Variants in KCNH8 observed in about 807,000 individuals in gnomAD.
KCNH8 encodes potassium voltage-gated channel subfamily H member 8.
In KCNH8, 70 loss-of-function variants were observed where a neutral mutation model predicts 103.6. The observed-to-expected ratio is 0.68, with a 90% CI of 0.56 to 0.82. The LOEUF (loss-of-function observed/expected upper bound fraction) is 0.82. KCNH8 is among the 40% of genes least tolerant of loss of function. KCNH8 has a pLI of 0.00. For synonymous variants in KCNH8, 498 were observed against 489.4 expected (o/e 1.02, Z -0.23); for missense variants, 1,217 against 1,329.9 (o/e 0.92, Z 1.32).
chr3:19,509,174 C>G (rs747228144), intron 11 of KCNH8, among the ~76,000 whole-genome samples: 1 of 152,160 alleles, frequency 6.6e-6, no homozygotes, highest in Non-Finnish European at 1.5e-5. Context: ...ATTAAGGCGG[C>G]TAAGCAGATG....
At chr3:19,292,540 C>A (rs1473824768) in intron 3 of KCNH8, among the ~76,000 whole-genome samples, 2 of 152,184 alleles carry the variant, frequency 1.3e-5, no homozygotes, top group Non-Finnish European at 2.9e-5. Flanking sequence ...CCTTTAGCTA[C>A]AAGAACCTGC....
intron 4 of KCNH8, among the ~76,000 whole-genome samples, chr3:19,345,990 T>G (rs1298541575): frequency 6.6e-6 from 1 of 151,924 alleles, no homozygotes; most frequent in African/African-American, 2.4e-5. Context: ...CACTTTTGAG[T>G]TTTCCCAAAT....
chr3:19,234,852 G>T (rs1262224575), intron 1 of KCNH8, among the ~76,000 whole-genome samples: 2 of 152,278 alleles, frequency 1.3e-5, no homozygotes, highest in African/African-American at 4.8e-5. Context: ...GTGTGGGTGG[G>T]TGTGAATGCA....
chr3:19,231,924 TA>T (rs1380070340), intron 1 of KCNH8, among the ~76,000 whole-genome samples: 1 of 152,202 alleles, frequency 6.6e-6, no homozygotes, highest in Non-Finnish European at 1.5e-5. Flanking sequence ...CCTGAAATAT[TA>T]AATCAATACA....
At chr3:19,240,801 C>T (rs1033378895) in intron 1 of KCNH8, among the ~76,000 whole-genome samples, 1 of 151,650 alleles carries the variant, frequency 6.6e-6, no homozygotes, top group Non-Finnish European at 1.5e-5. Flanking sequence ...AAGGCAAAAG[C>T]ATTGACATCA....
intron 7 of KCNH8, among the ~76,000 whole-genome samples, chr3:19,433,892 G>A (rs190995935): frequency 6.6e-5 from 10 of 152,344 alleles, no homozygotes; most frequent in Admixed American, 5.9e-4. Flanking sequence ...GAAAAGGGGT[G>A]AAGGGTTGAG....
chr3:19,320,262 T>G (rs1305185537), intron 3 of KCNH8, among the ~76,000 whole-genome samples: 2 of 152,092 alleles, frequency 1.3e-5, no homozygotes, highest in Non-Finnish European at 2.9e-5. Context: ...TGCTTTCAAC[T>G]TTTACACTTT....
intron 15 of KCNH8, among the ~76,000 whole-genome samples, chr3:19,519,153 A>C (rs1467704693): frequency 6.6e-6 from 1 of 151,950 alleles, no homozygotes; most frequent in African/African-American, 2.4e-5. Context: ...TGAAGAAAAA[A>C]AATTGCTCAG....
chr3:19,242,085 C>G (rs1014354081), intron 1 of KCNH8, among the ~76,000 whole-genome samples: 11 of 152,040 alleles, frequency 7.2e-5, no homozygotes, highest in African/African-American at 2.4e-4. Context: ...GTATAAAATA[C>G]CAGGTGTGAG....
intron 15 of KCNH8, among the ~76,000 whole-genome samples, chr3:19,528,175 T>C (rs529778729): frequency 6.6e-6 from 1 of 152,216 alleles, no homozygotes; most frequent in East Asian, 1.9e-4. Context: ...TATATTGTTA[T>C]GTTTCCTTTA....
Position 19,533,435 on chromosome 3 carries a change from A to G in KCNH8, c.2660A>G (p.Asp887Gly). Residue 887 changes from aspartate to glycine, a missense_variant, in exon 16 of 16, where the codon GAC becomes GGC. Transcript: ENST00000328405. ...LTQEVSQLGK[D>G]MRNVIQLLEN... ...CAGGAAGTTTCTCAGTTGGGTAAAG[A>G]CATGAGAAATGTGATCCAGCTTCTG... is the stretch of plus-strand genomic sequence containing the variant. 1.9e-6 allele frequency: 3 copies of G among 1,614,118 alleles called. No individual in the cohort carries two copies. The highest frequency in any genetic ancestry group is 2.5e-6 in the Non-Finnish European group (3 of 1,180,010).
At chr3:19,449,083 T>G (rs2067404293) in intron 8 of KCNH8, 1 of 602,980 alleles carries the variant, frequency 1.7e-6, no homozygotes. Context: ...GGGTAATTCC[T>G]GGAAAGTGAG....
intron 11 of KCNH8, among the ~76,000 whole-genome samples, chr3:19,463,049 C>G (rs1035375415): frequency 6.6e-6 from 1 of 152,094 alleles, no homozygotes; most frequent in Non-Finnish European, 1.5e-5. Context: ...CTAAACAATA[C>G]AGTATAACAA....
At chr3:19,324,435 A>G (rs1340081495) in intron 3 of KCNH8, among the ~76,000 whole-genome samples, 1 of 152,168 alleles carries the variant, frequency 6.6e-6, no homozygotes, top group Non-Finnish European at 1.5e-5. Flanking sequence ...ACTCACTATC[A>G]CAGGAACAGC....
Position 19,235,526 on chromosome 3 carries a change from C to T in KCNH8, c.77-18128C>T, listed in dbSNP as rs896108385. On this transcript the variant is annotated intron_variant, in intron 1 of 15. Coordinates refer to ENST00000328405, the MANE Select transcript of KCNH8 (RefSeq NM_144633.3). ...AATATTATCAAATTAGAAACAAATA[C>T]GGAAATATGGTTAATATTTTTTAAT... 3.2e-4 allele frequency among the ~76,000 whole-genome samples: 49 copies of T among 152,060 alleles called. 1 individual carries two copies. The highest frequency in any genetic ancestry group is 1.3e-4 in the Non-Finnish European group (9 of 68,006).
chr3:19,375,455 A>G (rs1402976148), intron 5 of KCNH8, among the ~76,000 whole-genome samples: 16 of 150,980 alleles, frequency 1.1e-4, no homozygotes, highest in African/African-American at 2.0e-4. Context: ...TTTCAGCTCC[A>G]TCAGCTCCTT....
At chr3:19,442,284 G>T (rs1015342152) in intron 8 of KCNH8, among the ~76,000 whole-genome samples, 2 of 152,216 alleles carry the variant, frequency 1.3e-5, no homozygotes, top group Middle Eastern at 3.2e-3. Context: ...GCATTTTGCA[G>T]ATAAACACAG....
intron 5 of KCNH8, among the ~76,000 whole-genome samples, chr3:19,365,009 T>C (rs879449250): frequency 2.6e-5 from 4 of 152,126 alleles, no homozygotes; most frequent in Non-Finnish European, 4.4e-5. Context: ...GATGTTTCCT[T>C]AGGCAAGATG....
chr3:19,414,755 A>G (rs1371402736), intron 7 of KCNH8, among the ~76,000 whole-genome samples: 1 of 151,966 alleles, frequency 6.6e-6, no homozygotes. Context: ...ACATTTTTTC[A>G]TCTGATCTTT....
Sources: allele counts gnomAD v4.1 joint callset (sites outside exome capture counted in the v4.1 genomes callset), GRCh38; gene constraint gnomAD v4.1.1; transcripts MANE v1.5; gene names NCBI Gene and HGNC (gene_info 2026-07-23, HGNC 2026-07-21).